The following CLCN5 variants were observed in gnomAD, a reference collection of about 807,000 sequenced individuals.
CLCN5 encodes the protein H(+)/Cl(-) exchange transporter 5.
Under a neutral mutation model 54.0 loss-of-function variants are expected in CLCN5, and 17 were observed. That is an observed-to-expected ratio of 0.31 (90% CI 0.22 to 0.47). CLCN5 has a LOEUF of 0.47. Ranked by LOEUF, CLCN5 falls within the 20% of genes least tolerant of loss-of-function variation. CLCN5 has a pLI of 1.00. For missense variants in CLCN5, 448 were observed against 646.7 expected (o/e 0.69, Z 3.33); for synonymous variants, 222 against 233.0 (o/e 0.95, Z 0.43).
intron 4 of CLCN5, among the ~76,000 whole-genome samples, chrX:50,044,605 G>A (rs1932333611): frequency 9.0e-6 from 1 of 111,114 alleles, no homozygotes; most frequent in Admixed American, 9.6e-5. Flanking sequence ...ATAGGTTTGG[G>A]ATAGGCGGTG....
intron 5 of CLCN5, among the ~76,000 whole-genome samples, chrX:50,071,312 T>C (rs1889920557): frequency 8.9e-6 from 1 of 112,234 alleles, no homozygotes; most frequent in South Asian, 3.7e-4. Context: ...AAGCATTTCA[T>C]GTTTTTTCAT....
rs1399043763 is a variant in CLCN5 at position 50,073,899 on chromosome X, T to C, written c.415+1311T>C. Among the ~76,000 whole-genome samples the C allele has an allele frequency of 3.6e-5, 4 of 111,697 alleles. No individual in the cohort carries two copies. The Admixed American group carries it at 3.8e-4, about 11-fold the overall frequency. ...TAGGAGACAGACAGGATTTGGTCCT[T>C]GGGCTATAGTTTGCCAACCCATGGC... On this transcript the variant is annotated intron_variant, in intron 6 of 14. Transcript: ENST00000376091.
chrX:50,051,201 G>A (rs1932575489), intron 4 of CLCN5, among the ~76,000 whole-genome samples: 1 of 111,857 alleles, frequency 8.9e-6, no homozygotes, highest in Admixed American at 9.5e-5. Flanking sequence ...TTTTATAAAA[G>A]GAGGAAAGTC....
intron 3 of CLCN5, among the ~76,000 whole-genome samples, chrX:49,979,884 C>T (rs1373803225): frequency 9.0e-6 from 1 of 110,613 alleles, no homozygotes; most frequent in Non-Finnish European, 1.9e-5. Context: ...ACCTGTTTCC[C>T]CTATCTAACT....
At chrX:49,947,780 G>C (rs1237517721) in intron 3 of CLCN5, among the ~76,000 whole-genome samples, 1 of 110,932 alleles carries the variant, frequency 9.0e-6, no homozygotes, top group Non-Finnish European at 1.9e-5. Flanking sequence ...GTATCTTCTA[G>C]CTACCAGTAC....
At chrX:50,088,931 C>A (rs782598677) in intron 12 of CLCN5, 47 bp downstream of exon 12, 3 of 1,100,836 alleles carry the variant, frequency 2.7e-6, no homozygotes, top group East Asian at 3.0e-5. Flanking sequence ...AGGTGACATA[C>A]AACAGAAGAG....
intron 4 of CLCN5, among the ~76,000 whole-genome samples, chrX:50,047,124 T>A (rs1932421113): frequency 9.0e-6 from 1 of 111,600 alleles, no homozygotes; most frequent in African/African-American, 3.3e-5. Flanking sequence ...TTTGCCACAC[T>A]GTAAAAATAT....
chrX:49,934,380 T>TG (rs1323959680), intron 3 of CLCN5, among the ~76,000 whole-genome samples: 3 of 111,250 alleles, frequency 2.7e-5, no homozygotes, highest in African/African-American at 9.8e-5. Context: ...TGTCAAGGGT[T>TG]GGGGGAGGCA....
intron 3 of CLCN5, among the ~76,000 whole-genome samples, chrX:49,964,235 A>G (rs1271198462): frequency 8.9e-6 from 1 of 112,635 alleles, no homozygotes; most frequent in Non-Finnish European, 1.9e-5. Flanking sequence ...ATTCTATCCA[A>G]TTGTAAGTAA....
At chrX:49,953,305 T>TTTTTG (rs1472194487) in intron 3 of CLCN5, among the ~76,000 whole-genome samples, 1 of 111,956 alleles carries the variant, frequency 8.9e-6, no homozygotes, top group Non-Finnish European at 1.9e-5. Flanking sequence ...CTTTTTTGTG[T>TTTTTG]TTTTGTTTTG....
At chrX:50,006,824 CA>C (rs1930171540) in intron 3 of CLCN5, among the ~76,000 whole-genome samples, 1 of 111,741 alleles carries the variant, frequency 8.9e-6, no homozygotes, top group African/African-American at 3.3e-5. Flanking sequence ...TGTAGGGAGC[CA>C]GAAGAGAACA....
chrX:49,942,739 C>A (rs1037484650), intron 3 of CLCN5, among the ~76,000 whole-genome samples: 2 of 110,422 alleles, frequency 1.8e-5, no homozygotes, highest in South Asian at 3.9e-4. Context: ...TGAACTCATC[C>A]TTTTTTATGG....
rs1244427038 is a variant in CLCN5 at position 49,922,621 on chromosome X, T to A, written c.-376T>A. On this transcript the variant is annotated 5_prime_UTR_variant, in exon 1 of 15. An upstream start codon of the reference 5' UTR is lost. Coordinates refer to ENST00000376091, the MANE Select transcript of CLCN5 (RefSeq NM_001127898.4). ...GATACTCGCGAGGCGCCCTGTCACA[T>A]GAGCCGCGCGCCCGCTTCGCTCCCC... is the stretch of plus-strand genomic sequence containing the variant. The A allele has an allele frequency of 8.9e-6, 1 of 112,920 alleles. No individual in the cohort carries two copies. The highest frequency in any genetic ancestry group is 1.9e-5 in the Non-Finnish European group (1 of 53,312). 9.3% of individuals were successfully genotyped at this position (112,920 alleles called of 1,213,427 possible).
rs781995869 is a variant in CLCN5, at chrX:50,075,885, A to T, written c.506A>T (p.Glu169Val). Reference protein sequence around the residue: ...ICTGGFWFNHEHCCWNSEHVT... With the variant: ...ICTGGFWFNHVHCCWNSEHVT... ...ACAGGGGGATTCTGGTTTAACCATG[A>T]ACATTGTTGCTGGAACTCTGAGCAT... The change falls in exon 7 of 15, where the codon GAA (glutamate) becomes GTA (valine). Residue 169 changes from glutamate (E) to valine (V), a missense_variant. Physicochemically the swap from Glu to Val is moderately radical, Grantham distance 121. This residue lies in a region of CLCN5 where 41 missense variants were observed against 71.3 expected (regional missense o/e 0.58). Coordinates refer to ENST00000376091, the MANE Select transcript of CLCN5 (RefSeq NM_001127898.4). 2 of 1,210,676 alleles carry T rather than the reference A, an allele frequency of 1.7e-6. No individual in the cohort carries two copies. The highest frequency in any genetic ancestry group is 4.3e-5 in the Admixed American group (2 of 46,038).
chrX:50,090,664 G>GA lies in CLCN5; in HGVS notation c.2144-4dup, dbSNP rs1471957917. On this transcript the variant is annotated splice_region_variant and splice_polypyrimidine_tract_variant and intron_variant, in intron 13 of 14. Coordinates refer to ENST00000376091, the MANE Select transcript of CLCN5 (RefSeq NM_001127898.4). ...TTCAATTTGTTTTTTCCTTCTGTTTGAATAGAAAATGCTCGAAAGAAACAG... is the reference window on the plus strand; with the variant it reads ...TTCAATTTGTTTTTTCCTTCTGTTTGAAATAGAAAATGCTCGAAAGAAACAG... The GA allele has an allele frequency of 8.3e-7, 1 of 1,203,583 alleles. No individual in the cohort carries two copies. The highest frequency in any genetic ancestry group is 1.7e-5 in the African/African-American group (1 of 57,615).
At chrX:50,060,681 T>A (rs1932842280) in intron 4 of CLCN5, among the ~76,000 whole-genome samples, 1 of 112,352 alleles carries the variant, frequency 8.9e-6, no homozygotes, top group Non-Finnish European at 1.9e-5. Context: ...TGCCTGCCTC[T>A]GTAGGCTCCA....
At chrX:50,007,157 C>A (rs1930190419) in intron 3 of CLCN5, among the ~76,000 whole-genome samples, 2 of 111,983 alleles carry the variant, frequency 1.8e-5, no homozygotes, top group African/African-American at 6.5e-5. Context: ...AATGAAGATG[C>A]ACTTCCTTGT....
At chrX:49,978,562 C>A (rs960387129) in intron 3 of CLCN5, among the ~76,000 whole-genome samples, 7 of 112,393 alleles carry the variant, frequency 6.2e-5, no homozygotes, top group African/African-American at 2.3e-4. Context: ...AATGTACTTA[C>A]AAGATTTCCT....
At chrX:50,057,798 C>T (rs1435411810) in intron 4 of CLCN5, among the ~76,000 whole-genome samples, 1 of 109,253 alleles carries the variant, frequency 9.2e-6, no homozygotes, top group South Asian at 4.2e-4. Context: ...GCACAAGTTG[C>T]TAGATAGAAA....
Sources: gnomAD v4.1 joint callset for allele counts (sites outside exome capture counted in the v4.1 genomes callset) on GRCh38, gnomAD v4.1.1 for gene constraint, gnomAD v4.1.1 regional missense constraint, MANE v1.5 for transcripts, NCBI Gene and HGNC (gene_info 2026-07-23, HGNC 2026-07-21) for gene names.